The following AGPS variants were observed in gnomAD, a reference collection of about 807,000 sequenced individuals.
AGPS encodes alkyldihydroxyacetonephosphate synthase, peroxisomal.
Under a neutral mutation model 90.7 loss-of-function variants are expected in AGPS, and 26 were observed. That is an observed-to-expected ratio of 0.29 (90% CI 0.21 to 0.40). The LOEUF is 0.40. AGPS is among the 10% of genes least tolerant of loss of function. The pLI is 1.00. For synonymous variants in AGPS, 294 were observed against 285.3 expected (o/e 1.03, Z -0.31); for missense variants, 540 against 816.1 (o/e 0.66, Z 4.12).
At position 177,450,633 on chromosome 2, in the gene AGPS, A is replaced by G. The variant is rs116632912; in HGVS notation, c.870+5007A>G. Among the ~76,000 whole-genome samples the G allele has an allele frequency of 6.5e-3, 987 of 152,200 alleles. 9 individuals carry two copies. The highest frequency in any genetic ancestry group is 0.023 in the African/African-American group (945 of 41,526). ...ATGTCTGCTTCTAGTTCTGGACTCTATATATGTCTCTGTGCTAATACTATA... is the reference window on the plus strand; with the variant it reads ...ATGTCTGCTTCTAGTTCTGGACTCTGTATATGTCTCTGTGCTAATACTATA... On this transcript the variant is annotated intron_variant, in intron 8 of 19. Transcript: ENST00000264167.
intron 8 of AGPS, among the ~76,000 whole-genome samples, chr2:177,448,490 A>G (rs1288078931): frequency 6.6e-6 from 1 of 152,188 alleles, no homozygotes; most frequent in Non-Finnish European, 1.5e-5. Flanking sequence ...GTATTTACAG[A>G]CATTTCAAAC....
intron 15 of AGPS, among the ~76,000 whole-genome samples, chr2:177,507,341 C>G (rs1177450674): frequency 6.6e-6 from 1 of 152,004 alleles, no homozygotes; most frequent in Non-Finnish European, 1.5e-5. Context: ...CAATATTGCT[C>G]TGGGTAAAGA....
intron 19 of AGPS, among the ~76,000 whole-genome samples, chr2:177,525,156 TA>T (rs2079071931): frequency 6.6e-6 from 1 of 152,130 alleles, no homozygotes; most frequent in South Asian, 2.1e-4. Flanking sequence ...CAAGTGGAAT[TA>T]AAAGCTTCCG....
In AGPS at chr2:177,499,599, A is replaced by AT. The variant is rs1688498924; in HGVS notation, c.1363-19_1363-18insT. 34 of 1,397,716 alleles carry AT rather than the reference A, an allele frequency of 2.4e-5. No individual in the cohort carries two copies. In the African/African-American group the frequency reaches 2.6e-4, roughly 11 times the overall value. The allele number at this position is 1,397,716 out of a possible 1,614,324, so 86.6% of individuals were successfully genotyped here. On this transcript the variant is annotated intron_variant, in intron 13 of 19. Transcript: ENST00000264167. ...AGGATAAGACTTATCTGTAATAATA[A>AT]ATTTTTTTTTTTTTGTAGTTTAAAG...
chr2:177,513,966 C>G (rs1688953250), intron 17 of AGPS, 58 bp downstream of exon 17: 2 of 1,270,588 alleles, frequency 1.6e-6, no homozygotes, highest in Admixed American at 3.4e-5. Context: ...TTTTTTTAAT[C>G]AAGGGGGGGA....
chr2:177,404,526 A>T (rs181050325), intron 1 of AGPS, among the ~76,000 whole-genome samples: 1 of 152,180 alleles, frequency 6.6e-6, no homozygotes, highest in Admixed American at 6.5e-5. Flanking sequence ...ACTTCACAAT[A>T]CTCATTAGTG....
chr2:177,461,305 T>A (rs981229349), intron 8 of AGPS, among the ~76,000 whole-genome samples: 1 of 152,234 alleles, frequency 6.6e-6, no homozygotes, highest in Non-Finnish European at 1.5e-5. Context: ...GACTATTTAA[T>A]GTATAGTAAT....
At chr2:177,506,130 T>C (rs1688703364) in intron 15 of AGPS, among the ~76,000 whole-genome samples, 1 of 151,900 alleles carries the variant, frequency 6.6e-6, no homozygotes, top group Admixed American at 6.5e-5. Context: ...AATTGTTCTT[T>C]TGAAATTTTA....
Position 177,543,259 on chromosome 2 carries a change from G to A in AGPS, c.*5064G>A, listed in dbSNP as rs532653867. 1.3e-5 allele frequency: 2 copies of A among 152,222 alleles called. No homozygotes were observed. Among genetic ancestry groups the A allele is most frequent in the Non-Finnish European group, 2.9e-5 (2 of 68,014 alleles). 9.4% of individuals were successfully genotyped at this position (152,222 alleles called of 1,614,324 possible). A position where few individuals can be genotyped will look rare whatever the true frequency, so the allele number is the denominator to read the frequency against. On this transcript the variant is annotated 3_prime_UTR_variant, in exon 20 of 20. Transcript: ENST00000264167. ...ACCTGTGGAGCTGGGGAGTGCGGGTGGTTTCTATTCCTAATATTGTGTGTC... is the reference window on the plus strand; with the variant it reads ...ACCTGTGGAGCTGGGGAGTGCGGGTAGTTTCTATTCCTAATATTGTGTGTC...
intron 18 of AGPS, among the ~76,000 whole-genome samples, 173 bp downstream of exon 18, chr2:177,521,541 G>A (rs187783593): frequency 8.5e-4 from 129 of 152,292 alleles, no homozygotes; most frequent in Non-Finnish European, 1.6e-3. Context: ...ACTGAATTGT[G>A]AGTCTAAAAT....
At chr2:177,425,489 C>T (rs1268045097) in intron 2 of AGPS, among the ~76,000 whole-genome samples, 3 of 151,854 alleles carry the variant, frequency 2.0e-5, no homozygotes, top group Non-Finnish European at 2.9e-5. Context: ...GGCATGGTGG[C>T]GCATGCCTAT....
chr2:177,458,068 A>T (rs1286166612), intron 8 of AGPS, among the ~76,000 whole-genome samples: 1 of 152,238 alleles, frequency 6.6e-6, no homozygotes, highest in Non-Finnish European at 1.5e-5. Context: ...CCATCACATA[A>T]ACAGAACCAA....
chr2:177,437,753 G>T (rs1483815294), intron 5 of AGPS, among the ~76,000 whole-genome samples: 4 of 152,100 alleles, frequency 2.6e-5, no homozygotes, highest in Admixed American at 2.0e-4. Flanking sequence ...TTTTCAGAGT[G>T]TATATTTTAT....
chr2:177,542,613 T>C lies in AGPS; in HGVS notation c.*4418T>C, dbSNP rs1466139635. 6.6e-6 allele frequency: 1 copy of C among 152,226 alleles called. No homozygotes were observed. The highest frequency in any genetic ancestry group is 1.5e-5 in the Non-Finnish European group (1 of 68,030). The allele number at this position is 152,226 out of a possible 1,614,324, so 9.4% of individuals were successfully genotyped here. On this transcript the variant is annotated 3_prime_UTR_variant, in exon 20 of 20. Coordinates refer to ENST00000264167, the MANE Select transcript of AGPS (RefSeq NM_003659.4). Reference sequence around the variant, plus strand: ...AGTGAGAAAGAAAAGGAAAAAAATCTGTTTCATGGTGGATTTCTAAGCAAC... The same window carrying C: ...AGTGAGAAAGAAAAGGAAAAAAATCCGTTTCATGGTGGATTTCTAAGCAAC...
chr2:177,429,239 G>T (rs1686167233), intron 2 of AGPS, among the ~76,000 whole-genome samples: 2 of 151,820 alleles, frequency 1.3e-5, no homozygotes, highest in Admixed American at 1.3e-4. Flanking sequence ...TAGCTTTTTT[G>T]CATTGGGTTA....
intron 19 of AGPS, among the ~76,000 whole-genome samples, chr2:177,531,487 A>C (rs2079136846): frequency 6.6e-6 from 1 of 152,168 alleles, no homozygotes; most frequent in Admixed American, 6.6e-5. Context: ...GATGAAAGAA[A>C]TCAAAAAAGA....
chr2:177,461,913 T>C lies in AGPS; in HGVS notation c.891T>C (p.Cys297=), dbSNP rs755884284. Residue 297 remains cysteine (C), a synonymous_variant, in exon 9 of 20, where the codon TGT becomes TGC. Transcript: ENST00000264167. The part of the protein sequence containing the change: ...LERQLKESGY[C]TGHEPDSLEF... ...TTCAGCTTAAAGAAAGTGGTTATTG[T>C]ACAGGTCATGAACCAGATTCCCTGG... is the stretch of plus-strand genomic sequence containing the variant. The C allele has an allele frequency of 2.0e-5, 33 of 1,612,292 alleles. No homozygotes were observed. In the Admixed American group the frequency reaches 5.3e-4, roughly 26 times the overall value.
intron 2 of AGPS, among the ~76,000 whole-genome samples, chr2:177,430,182 A>G (rs1208340099): frequency 6.6e-6 from 1 of 152,216 alleles, no homozygotes; most frequent in Non-Finnish European, 1.5e-5. Context: ...AACCACAGAA[A>G]TGGTGGTTGC....
rs572481690 is a variant in AGPS, at chr2:177,465,848, C to T, written c.997-2568C>T. Among the ~76,000 whole-genome samples, 13 of 152,358 alleles carry T rather than the reference C, an allele frequency of 8.5e-5. No homozygotes were observed. The South Asian group carries it at 1.4e-3, about 17-fold the overall frequency. ...CCTTCTCTTTCCTCTCTTTCCCTCT[C>T]GTTGCCCTCCATGGGGCAAACAAGG... On this transcript the variant is annotated intron_variant, in intron 9 of 19. Coordinates refer to ENST00000264167, the MANE Select transcript of AGPS (RefSeq NM_003659.4).
Sources: gnomAD v4.1 joint callset for allele counts (sites outside exome capture counted in the v4.1 genomes callset) on GRCh38, gnomAD v4.1.1 for gene constraint, MANE v1.5 for transcripts, NCBI Gene and HGNC (gene_info 2026-07-23, HGNC 2026-07-21) for gene names.